The following ADGRA1 variants were observed in gnomAD, a reference collection of about 807,000 sequenced individuals.
ADGRA1 encodes the protein G-protein coupled receptor 123.
ADGRA1 carries 12 observed loss-of-function variants against 21.3 expected under a neutral mutation model. The observed-to-expected ratio is 0.56, with a 90% CI of 0.36 to 0.91. The LOEUF is 0.91. Ranked by LOEUF, ADGRA1 falls within the 40% of genes least tolerant of loss-of-function variation. The pLI is 0.01. For missense variants in ADGRA1, 790 were observed against 805.6 expected, an observed-to-expected ratio of 0.98 and a Z score of 0.23; for synonymous variants, 385 against 368.8, an observed-to-expected ratio of 1.04 and a Z score of -0.50.
In ADGRA1 at chr10:133,093,177, G is replaced by A. The variant is rs113313335; in HGVS notation, c.4-3797G>A. ...AGACCTGGCCCCGGACACCTCACCC[G>A]CAGGGAGGAAGATTCCTTCAGGCAG... On this transcript the variant is annotated intron_variant, in intron 2 of 6. Transcript: ENST00000392607. The A allele has an allele frequency of 1.8e-4, 295 of 1,594,986 alleles. 1 individual carries two copies. Among genetic ancestry groups the A allele is most frequent in the African/African-American group, 1.3e-3 (96 of 74,970 alleles).
At chr10:133,121,501 G>A (rs190522126) in intron 5 of ADGRA1, among the ~76,000 whole-genome samples, 44 of 150,262 alleles carry the variant, frequency 2.9e-4, no homozygotes, top group Admixed American at 8.6e-4. Flanking sequence ...GCCAGTGTGC[G>A]TGTGTGCAAG....
chr10:133,088,668 G>A, intron 1 of ADGRA1, 40 bp from the exon 2 acceptor site: 1 of 1,192,466 alleles, frequency 8.4e-7, no homozygotes, highest in Non-Finnish European at 1.0e-6. Flanking sequence ...CCTCCGCGGG[G>A]ACCCTCCGCC....
intron 5 of ADGRA1, among the ~76,000 whole-genome samples, chr10:133,126,844 G>A (rs1852383866): frequency 6.6e-6 from 1 of 152,214 alleles, no homozygotes; most frequent in Admixed American, 6.5e-5. Flanking sequence ...ACTACCCGCG[G>A]GGAGGGGCCA....
rs182695927 is a variant in ADGRA1 at position 133,097,381 on chromosome 10, T to A, written c.131+280T>A. On this transcript the variant is annotated intron_variant, in intron 3 of 6. Coordinates refer to ENST00000392607, the MANE Select transcript of ADGRA1 (RefSeq NM_001083909.3). Reference sequence around the variant, plus strand: ...CGTGTCCTTAACTGGGCAAAATAAGTTCTTCCAGAAATAGGTGTGGTGTCC... The same window carrying A: ...CGTGTCCTTAACTGGGCAAAATAAGATCTTCCAGAAATAGGTGTGGTGTCC... Among the ~76,000 whole-genome samples, 947 of 152,256 alleles carry A rather than the reference T, an allele frequency of 6.2e-3. 3 individuals carry two copies. The highest frequency in any genetic ancestry group is 0.01 in the Non-Finnish European group (701 of 68,034).
intron 5 of ADGRA1, among the ~76,000 whole-genome samples, chr10:133,106,940 C>T (rs1225102899): frequency 1.3e-5 from 2 of 152,232 alleles, no homozygotes; most frequent in Admixed American, 6.5e-5. Context: ...GAAGCGTCAC[C>T]GTTTCAACAG....
At chr10:133,112,710 GGGTCTGCGGGCCGCGTCGGTTATTTGA>G (rs1852073303) in intron 5 of ADGRA1, among the ~76,000 whole-genome samples, 46 of 74,194 alleles carry the variant, frequency 6.2e-4, no homozygotes, top group East Asian at 1.7e-3. Context: ...CAGTTATTTG[GGGTCTGCGGGCCGCGTCGGTTATTTGA>G]GGTCTGCGGG....
chr10:133,095,850 C>T (rs1851679203), intron 2 of ADGRA1: 17 of 1,542,288 alleles, frequency 1.1e-5, no homozygotes, highest in Middle Eastern at 1.8e-4. Context: ...CTCACTCAGC[C>T]GGAGCCATCC....
intron 4 of ADGRA1, among the ~76,000 whole-genome samples, chr10:133,101,040 G>C (rs1321365651): frequency 6.6e-6 from 1 of 152,238 alleles, no homozygotes; most frequent in Non-Finnish European, 1.5e-5. Flanking sequence ...CCCTCTCATT[G>C]ATCTAACGCT....
At chr10:133,122,951 C>A (rs1383961477) in intron 5 of ADGRA1, among the ~76,000 whole-genome samples, 1 of 152,132 alleles carries the variant, frequency 6.6e-6, no homozygotes, top group Admixed American at 6.5e-5. Context: ...TCTTTCCCTG[C>A]ACGTGTTTCT....
At chr10:133,117,361 C>T (rs1348930236) in intron 5 of ADGRA1, among the ~76,000 whole-genome samples, 1 of 152,172 alleles carries the variant, frequency 6.6e-6, no homozygotes, top group Non-Finnish European at 1.5e-5. Context: ...CCCGGGGTGC[C>T]CAGCAAACAC....
intron 5 of ADGRA1, among the ~76,000 whole-genome samples, 157 bp downstream of exon 5, chr10:133,102,999 G>A (rs1161654219): frequency 1.3e-5 from 2 of 152,060 alleles, no homozygotes; most frequent in African/African-American, 2.4e-5. Flanking sequence ...GGTGGAGAGC[G>A]GGCGACGGAT....
At chr10:133,103,325 C>T in intron 5 of ADGRA1, among the ~76,000 whole-genome samples, 1 of 152,200 alleles carries the variant, frequency 6.6e-6, no homozygotes, top group East Asian at 1.9e-4. Flanking sequence ...TCCGTAACAT[C>T]AGGCAGCTGA....
chr10:133,108,489 G>A (rs1851931124), intron 5 of ADGRA1, among the ~76,000 whole-genome samples: 1 of 152,206 alleles, frequency 6.6e-6, no homozygotes, highest in African/African-American at 2.4e-5. Context: ...AGGAGACAGA[G>A]GTGTTGGACA....
In ADGRA1 at chr10:133,093,163, C is replaced by T. The variant is rs761609761; in HGVS notation, c.4-3811C>T. Reference sequence around the variant, plus strand: ...CCAGTCGGAGCTGCAGACCTGGCCCCGGACACCTCACCCGCAGGGAGGAAG... The same window carrying T: ...CCAGTCGGAGCTGCAGACCTGGCCCTGGACACCTCACCCGCAGGGAGGAAG... On this transcript the variant is annotated intron_variant, in intron 2 of 6. Coordinates refer to ENST00000392607, the MANE Select transcript of ADGRA1 (RefSeq NM_001083909.3). The T allele has an allele frequency of 2.7e-5, 43 of 1,595,956 alleles. No individual in the cohort carries two copies. In the East Asian group the frequency reaches 4.2e-4, roughly 16 times the overall value.
chr10:133,127,603 G>A (rs11101943), intron 6 of ADGRA1, among the ~76,000 whole-genome samples: 29,070 of 152,068 alleles, frequency 0.19, 3,271 homozygotes, highest in East Asian at 0.47. Flanking sequence ...GACAAATAGC[G>A]ATTTGGCAAC....
At chr10:133,088,973 C>T in intron 2 of ADGRA1, 61 bp downstream of exon 2, 1 of 1,235,320 alleles carries the variant, frequency 8.1e-7, no homozygotes, top group Non-Finnish European at 1.0e-6. Flanking sequence ...GGGGGGCGGC[C>T]ACCCGTATGG....
chr10:133,088,031 G>C lies in ADGRA1; in HGVS notation c.-310G>C, dbSNP rs1851530892. 5.1e-6 allele frequency: 5 copies of C among 985,096 alleles called. No individual in the cohort carries two copies. The highest frequency in any genetic ancestry group is 6.0e-6 in the Non-Finnish European group (5 of 829,822). 61.0% of individuals were successfully genotyped at this position (985,096 alleles called of 1,614,324 possible). A position where few individuals can be genotyped will look rare whatever the true frequency, so the allele number is the denominator to read the frequency against. On this transcript the variant is annotated 5_prime_UTR_variant, in exon 1 of 7. Coordinates refer to ENST00000392607, the MANE Select transcript of ADGRA1 (RefSeq NM_001083909.3). The stretch of plus-strand genomic sequence containing the variant: ...TCTGTTGATAACTCGGTCCCAGCTC[G>C]GCCGCTGCCCTCGCGAATGGAGAGC...
At chr10:133,126,868 C>G (rs571344190) in intron 5 of ADGRA1, among the ~76,000 whole-genome samples, 101 of 152,264 alleles carry the variant, frequency 6.6e-4, no homozygotes, top group African/African-American at 2.3e-3. Flanking sequence ...CCTGGGGACC[C>G]GGTGGGACGC....
rs188455096 is a variant in ADGRA1 at position 133,129,337 on chromosome 10, G to A, written c.1509G>A (p.Glu503=). 479 of 1,574,020 alleles carry A rather than the reference G, an allele frequency of 3.0e-4. 2 individuals carry two copies. In the Middle Eastern group the frequency reaches 4.2e-3, roughly 14 times the overall value. Residue 503 remains glutamate, a synonymous_variant, in exon 7 of 7, where the codon GAG becomes GAA. Transcript: ENST00000392607. The part of the protein sequence containing the change: ...LYSCPTQPGR[E]AALGPGHLEM... ...GCTGCCCCACGCAGCCGGGCAGGGA[G>A]GCAGCGCTCGGGCCCGGCCACTTGG...
Sources: allele counts gnomAD v4.1 joint callset (sites outside exome capture counted in the v4.1 genomes callset), GRCh38; gene constraint gnomAD v4.1.1; transcripts MANE v1.5; gene names NCBI Gene and HGNC (gene_info 2026-07-23, HGNC 2026-07-21).